AS3MT: variants seen among roughly 807,000 people sequenced by gnomAD.
The protein encoded by AS3MT is arsenite methyltransferase, also known as S-adenosyl-L-methionine:arsenic(III) methyltransferase.
In AS3MT, 47 loss-of-function variants were observed where a neutral mutation model predicts 45.3. The observed-to-expected ratio is 1.04, with a 90% CI of 0.82 to 1.32. The LOEUF (loss-of-function observed/expected upper bound fraction) is 1.32, where lower values mean the gene tolerates loss of function less well. Among genes scored for constraint, AS3MT ranks in the 40% most tolerant of loss-of-function variants. The pLI is 0.00. For missense variants in AS3MT, 396 were observed against 451.1 expected, an observed-to-expected ratio of 0.88 and a Z score of 1.11; for synonymous variants, 141 against 152.8, an observed-to-expected ratio of 0.92 and a Z score of 0.57.
At chr10:102,870,062 C>T (rs1356348865) in intron 2 of AS3MT, 22 bp from the exon 3 acceptor site, 1 of 1,612,924 alleles carries the variant, frequency 6.2e-7, no homozygotes, top group South Asian at 1.1e-5. Flanking sequence ...ACCCCTCACT[C>T]CACTGTGGGA....
chr10:102,889,679 C>T (rs552742486), intron 9 of AS3MT, among the ~76,000 whole-genome samples: 21 of 147,194 alleles, frequency 1.4e-4, no homozygotes, highest in African/African-American at 4.7e-4. Context: ...CTCCCTCCAC[C>T]CCCCCCGCCC....
At chr10:102,869,905 T>C in intron 2 of AS3MT, 60 bp downstream of exon 2, 1 of 1,604,448 alleles carries the variant, frequency 6.2e-7, no homozygotes, top group Non-Finnish European at 8.5e-7. Context: ...AAGTCTGGCC[T>C]GGCCCGCACC....
In AS3MT at chr10:102,890,541, T is replaced by G. The variant is rs1372771102; in HGVS notation, c.886-3T>G. ...TAGTATTTTTTTTTATACTACCCTT[T>G]AGGAAGGTGAAATTGTTGAAGTGGA... On this transcript the variant is annotated splice_polypyrimidine_tract_variant and splice_region_variant and intron_variant, in intron 9 of 10. Coordinates refer to ENST00000369880, the MANE Select transcript of AS3MT (RefSeq NM_020682.4). 15 of 1,590,304 alleles carry G rather than the reference T, an allele frequency of 9.4e-6. No homozygotes were observed. Among genetic ancestry groups the G allele is most frequent in the Non-Finnish European group, 1.3e-5 (15 of 1,172,338 alleles).
At chr10:102,878,711 G>A (rs1844826125) in intron 8 of AS3MT, 138 bp from the exon 9 acceptor site, 1 of 1,321,008 alleles carries the variant, frequency 7.6e-7, no homozygotes, top group Non-Finnish European at 1.0e-6. Context: ...TCAGTAAATA[G>A]AGTGAAGTGC....
chr10:102,892,372 A>G (rs1845084488), intron 10 of AS3MT, among the ~76,000 whole-genome samples: 1 of 152,160 alleles, frequency 6.6e-6, no homozygotes, highest in African/African-American at 2.4e-5. Flanking sequence ...CTCTAGGCCC[A>G]GGGACCTATC....
rs371877430 is a variant in AS3MT, at chr10:102,872,353, CGGAGGGAG to C, written c.171-85_171-78del. ...AAGAAAGAAGGAAGGAAGGAAGGAACGGAGGGAGGGAGGGAGGAGGGAAGTATGTATAA... is the reference window on the plus strand; with the variant it reads ...AAGAAAGAAGGAAGGAAGGAAGGAACGGAGGGAGGAGGGAAGTATGTATAA... On this transcript the variant is annotated intron_variant, in intron 3 of 10. Coordinates refer to ENST00000369880, the MANE Select transcript of AS3MT (RefSeq NM_020682.4). 552 of 1,289,982 alleles carry C rather than the reference CGGAGGGAG, an allele frequency of 4.3e-4. 4 individuals are homozygous for C. In the African/African-American group the frequency reaches 5.2e-3, roughly 12 times the overall value. 79.9% of individuals were successfully genotyped at this position (1,289,982 alleles called of 1,614,324 possible). A position where few individuals can be genotyped will look rare whatever the true frequency, so the allele number is the denominator to read the frequency against.
chr10:102,889,052 G>A (rs544057920), intron 9 of AS3MT, among the ~76,000 whole-genome samples: 6 of 150,294 alleles, frequency 4.0e-5, no homozygotes, highest in South Asian at 4.2e-4. Flanking sequence ...CACCATGCCC[G>A]GCTAATTTTT....
intron 9 of AS3MT, among the ~76,000 whole-genome samples, 196 bp downstream of exon 9, chr10:102,879,187 T>A (rs1265539446): frequency 2.0e-5 from 3 of 152,096 alleles, no homozygotes; most frequent in Non-Finnish European, 4.4e-5. Flanking sequence ...ATTGACAGGG[T>A]CTCGCTCTGT....
chr10:102,896,869 T>C (rs2134133868), intron 10 of AS3MT, among the ~76,000 whole-genome samples: 1 of 152,162 alleles, frequency 6.6e-6, no homozygotes, highest in Admixed American at 6.5e-5. Flanking sequence ...AGCACTCTGC[T>C]ATTCTGACTC....
intron 10 of AS3MT, among the ~76,000 whole-genome samples, chr10:102,896,944 C>A (rs2099905190): frequency 6.6e-6 from 1 of 152,090 alleles, no homozygotes; most frequent in Non-Finnish European, 1.5e-5. Context: ...GTATTCAATC[C>A]ATTAAACATT....
intron 9 of AS3MT, among the ~76,000 whole-genome samples, chr10:102,886,313 T>C (rs1246967651): frequency 2.2e-5 from 3 of 137,506 alleles, no homozygotes; most frequent in Admixed American, 7.3e-5. Context: ...CCCTCCCTTC[T>C]TCCTTCCTTC....
Position 102,901,104 on chromosome 10 carries a change from AAAAAAAAG to A in AS3MT, c.*408_*415del. ...TCTGTCTCAAAAGCAAAAAAAAAAA[AAAAAAAAG>A]AAAGAAAGAAAAAGAAAACAACAAA... On this transcript the variant is annotated 3_prime_UTR_variant, in exon 11 of 11. Coordinates refer to ENST00000369880, the MANE Select transcript of AS3MT (RefSeq NM_020682.4). 1 of 152,058 alleles carries A rather than the reference AAAAAAAAG, an allele frequency of 6.6e-6. No individual in the cohort carries two copies. The highest frequency in any genetic ancestry group is 1.5e-5 in the Non-Finnish European group (1 of 68,384). The allele number at this position is 152,058 out of a possible 1,614,324, so 9.4% of individuals were successfully genotyped here.
Position 102,869,570 on chromosome 10 carries a change from C to T in AS3MT, c.-23C>T. On this transcript the variant is annotated 5_prime_UTR_variant, in exon 1 of 11. Coordinates refer to ENST00000369880, the MANE Select transcript of AS3MT (RefSeq NM_020682.4). ...GGCCGAGGAGACAGTGAGTGCGCGC[C>T]CTGAGTCGCAGGCCGAGGAGACAGT... is the stretch of plus-strand genomic sequence containing the variant. 6.5e-7 allele frequency: 1 copy of T among 1,547,606 alleles called. No individual in the cohort carries two copies. The highest frequency in any genetic ancestry group is 1.2e-5 in the South Asian group (1 of 85,064).
At chr10:102,883,467 C>T (rs1844898918) in intron 9 of AS3MT, among the ~76,000 whole-genome samples, 1 of 151,948 alleles carries the variant, frequency 6.6e-6, no homozygotes. Flanking sequence ...AATCCCAGCA[C>T]TTTGGGAGGC....
chr10:102,870,359 C>A, intron 3 of AS3MT, 148 bp downstream of exon 3: 1 of 1,064,366 alleles, frequency 9.4e-7, no homozygotes, highest in Non-Finnish European at 1.3e-6. Flanking sequence ...CAGCACCCAT[C>A]ATCTTACTGC....
intron 5 of AS3MT, 28 bp downstream of exon 5, chr10:102,873,261 T>A (rs2134110661): frequency 6.8e-7 from 1 of 1,464,928 alleles, no homozygotes; most frequent in Non-Finnish European, 9.0e-7. Flanking sequence ...CTGTTATGAC[T>A]ATAGCCCATT....
At chr10:102,878,194 G>A (rs1335954790) in intron 7 of AS3MT, among the ~76,000 whole-genome samples, 185 bp from the exon 8 acceptor site, 1 of 152,190 alleles carries the variant, frequency 6.6e-6, no homozygotes, top group Non-Finnish European at 1.5e-5. Context: ...GAGACCATCA[G>A]CTAGCACACC....
At chr10:102,871,191 C>T (rs1480561856) in intron 3 of AS3MT, among the ~76,000 whole-genome samples, 1 of 151,668 alleles carries the variant, frequency 6.6e-6, no homozygotes, top group East Asian at 2.0e-4. Context: ...TCGCAGTGAG[C>T]GGAGATTGTG....
intron 10 of AS3MT, among the ~76,000 whole-genome samples, chr10:102,894,070 T>C (rs769789520): frequency 2.0e-5 from 3 of 152,110 alleles, no homozygotes; most frequent in Non-Finnish European, 4.4e-5. Flanking sequence ...AAATAAAAGT[T>C]TGGTGACCAT....
Sources: gnomAD v4.1 joint callset for allele counts (sites outside exome capture counted in the v4.1 genomes callset) on GRCh38, gnomAD v4.1.1 for gene constraint, MANE v1.5 for transcripts, NCBI Gene and HGNC (gene_info 2026-07-23, HGNC 2026-07-21) for gene names.